The following MARCHF1 variants were observed in gnomAD, a reference collection of about 807,000 sequenced individuals.
MARCHF1 encodes the protein E3 ubiquitin-protein ligase MARCHF1.
MARCHF1 carries 40 observed loss-of-function variants against 54.2 expected under a neutral mutation model. The ratio of observed to expected loss-of-function variants is 0.74; its 90% CI spans 0.57 to 0.96. MARCHF1 has a LOEUF of 0.96. MARCHF1 is among the 40% of genes least tolerant of loss of function. The pLI is 0.00. For missense variants in MARCHF1, 586 were observed against 656.5 expected, an observed-to-expected ratio of 0.89 and a Z score of 1.17; for synonymous variants, 236 against 236.3, an observed-to-expected ratio of 1.00 and a Z score of 0.01.
intron 1 of MARCHF1, among the ~76,000 whole-genome samples, chr4:164,320,108 CA>C (rs1185059711): frequency 6.6e-6 from 1 of 152,056 alleles, no homozygotes; most frequent in Non-Finnish European, 1.5e-5. Context: ...ATTTTCTATT[CA>C]AAAAACATTT....
At chr4:164,240,764 T>G (rs1266547935) in intron 1 of MARCHF1, among the ~76,000 whole-genome samples, 1 of 152,140 alleles carries the variant, frequency 6.6e-6, no homozygotes, top group African/African-American at 2.4e-5. Flanking sequence ...CAGTTTAAAC[T>G]TAAAGCAAGG....
Position 163,951,629 on chromosome 4 carries a change from G to A in MARCHF1, c.-39+36872C>T, listed in dbSNP as rs187655800. Among the ~76,000 whole-genome samples the A allele has an allele frequency of 2.3e-3, 345 of 152,280 alleles. 1 individual carries two copies. The highest frequency in any genetic ancestry group is 7.9e-3 in the African/African-American group (330 of 41,542). On this transcript the variant is annotated intron_variant, in intron 3 of 9. Transcript: ENST00000514618. ...GAAATATCAGAAAGGTAAAGCAGACGGGACCAGAGTAATTGTCAAAGGTAA... is the reference window on the plus strand; with the variant it reads ...GAAATATCAGAAAGGTAAAGCAGACAGGACCAGAGTAATTGTCAAAGGTAA...
rs1746975438 is a variant in MARCHF1, at chr4:163,766,304, TAA to T, written c.112-65443_112-65442del. On this transcript the variant is annotated intron_variant, in intron 4 of 9. Coordinates refer to ENST00000514618, the MANE Select transcript of MARCHF1 (RefSeq NM_001394959.1). The stretch of plus-strand genomic sequence containing the variant: ...AAACCAATATAACTTTGGGGGAAAG[TAA>T]AAGATCCAGAAGTCCTATAATGCTT... Among the ~76,000 whole-genome samples the T allele has an allele frequency of 2.6e-5, 4 of 152,128 alleles. No homozygotes were observed. The South Asian group carries it at 8.3e-4, about 32-fold the overall frequency.
Position 164,024,167 on chromosome 4 carries a change from G to A in MARCHF1, c.-247-35458C>T, listed in dbSNP as rs114301850. On this transcript the variant is annotated intron_variant, in intron 2 of 9. Coordinates refer to ENST00000514618, the MANE Select transcript of MARCHF1 (RefSeq NM_001394959.1). ...TAAGCAACTTTTTAAATATTTTGGA[G>A]GGCATAGTCCATGAAAATTTTTCTG... 5.4e-3 allele frequency among the ~76,000 whole-genome samples: 827 copies of A among 152,162 alleles called. 4 individuals are homozygous for A. Among genetic ancestry groups the A allele is most frequent in the African/African-American group, 0.019 (787 of 41,538 alleles).
At chr4:163,614,248 GAAT>G (rs1396585354) in intron 5 of MARCHF1, among the ~76,000 whole-genome samples, 13 of 152,220 alleles carry the variant, frequency 8.5e-5, no homozygotes, top group African/African-American at 2.6e-4. Flanking sequence ...AGTTTTGAGT[GAAT>G]AATATGTGCT....
chr4:163,862,762 A>C (rs1023354593), intron 3 of MARCHF1, among the ~76,000 whole-genome samples: 2 of 152,124 alleles, frequency 1.3e-5, no homozygotes, highest in Non-Finnish European at 2.9e-5. Context: ...AAACATGCAC[A>C]CATATGCTTA....
At position 164,240,522 on chromosome 4, in the gene MARCHF1, C is replaced by T. The variant is rs189187502; in HGVS notation, c.-322-128860G>A. ...CTGTCTCCCACCATTCTAACTACTCCTTTACCAAAAAAGCTGTCTCTTCTT... is the reference window on the plus strand; with the variant it reads ...CTGTCTCCCACCATTCTAACTACTCTTTTACCAAAAAAGCTGTCTCTTCTT... On this transcript the variant is annotated intron_variant, in intron 1 of 9. Transcript: ENST00000514618. Among the ~76,000 whole-genome samples, 257 of 152,120 alleles carry T rather than the reference C, an allele frequency of 1.7e-3. 2 individuals carry two copies. Among genetic ancestry groups the T allele is most frequent in the African/African-American group, 5.7e-3 (235 of 41,506 alleles).
At chr4:163,834,783 T>A (rs1749132765) in intron 4 of MARCHF1, among the ~76,000 whole-genome samples, 1 of 152,166 alleles carries the variant, frequency 6.6e-6, no homozygotes, top group Non-Finnish European at 1.5e-5. Context: ...AATCCCTTTA[T>A]AATTATACCA....
chr4:163,562,296 A>AAAAACAAAAC lies in MARCHF1; in HGVS notation c.1192-16563_1192-16554dup, dbSNP rs67047524. The stretch of plus-strand genomic sequence containing the variant: ...TGGCGTCAGAGCCAGACTCTGTCTC[A>AAAAACAAAAC]AAAACAAAACAAAACAAAACAAAAC... On this transcript the variant is annotated intron_variant, in intron 8 of 9. Coordinates refer to ENST00000514618, the MANE Select transcript of MARCHF1 (RefSeq NM_001394959.1). 8.5e-4 allele frequency among the ~76,000 whole-genome samples: 128 copies of AAAAACAAAAC among 150,172 alleles called. 3 individuals are homozygous for AAAAACAAAAC. Among genetic ancestry groups the AAAAACAAAAC allele is most frequent in the East Asian group, 7.0e-3 (35 of 5,032 alleles).
chr4:164,024,806 G>T (rs1377563633), intron 2 of MARCHF1, among the ~76,000 whole-genome samples: 1 of 152,022 alleles, frequency 6.6e-6, no homozygotes, highest in Non-Finnish European at 1.5e-5. Context: ...TGGATAAATA[G>T]GCAAGACCCA....
chr4:164,075,473 G>A (rs115768842), intron 2 of MARCHF1, among the ~76,000 whole-genome samples: 25 of 152,336 alleles, frequency 1.6e-4, no homozygotes, highest in African/African-American at 6.0e-4. Context: ...GCCCCAGGGT[G>A]TGGATGACAG....
intron 4 of MARCHF1, among the ~76,000 whole-genome samples, chr4:163,734,685 G>A (rs1745982201): frequency 6.6e-6 from 1 of 152,164 alleles, no homozygotes; most frequent in African/African-American, 2.4e-5. Flanking sequence ...CAGTGGGGAG[G>A]GATAGGGTAG....
intron 2 of MARCHF1, among the ~76,000 whole-genome samples, chr4:163,989,312 AG>A (rs757924056): frequency 1.4e-4 from 21 of 151,682 alleles, no homozygotes; most frequent in Non-Finnish European, 2.1e-4. Flanking sequence ...AGAGAGAGAG[AG>A]AAAAGAAGAG....
chr4:163,939,578 C>G (rs1751868729), intron 3 of MARCHF1, among the ~76,000 whole-genome samples: 1 of 152,076 alleles, frequency 6.6e-6, no homozygotes, highest in Non-Finnish European at 1.5e-5. Context: ...ATCAGTTTAC[C>G]AACTCTGATA....
intron 3 of MARCHF1, among the ~76,000 whole-genome samples, chr4:163,964,606 T>C (rs1357262981): frequency 2.0e-5 from 3 of 152,020 alleles, no homozygotes; most frequent in Non-Finnish European, 4.4e-5. Context: ...CTAGGACTGT[T>C]GGTCAAAAAT....
chr4:164,028,671 A>G (rs1309147341), intron 2 of MARCHF1, among the ~76,000 whole-genome samples: 2 of 152,144 alleles, frequency 1.3e-5, no homozygotes, highest in Non-Finnish European at 2.9e-5. Flanking sequence ...TAACCTCAAT[A>G]TCATACAATA....
At chr4:164,199,025 T>C (rs145904825) in intron 1 of MARCHF1, among the ~76,000 whole-genome samples, 6 of 152,320 alleles carry the variant, frequency 3.9e-5, no homozygotes, top group African/African-American at 1.2e-4. Context: ...TATCACAGAT[T>C]CCACTAGTAA....
At chr4:163,804,393 C>T (rs1008630070) in intron 4 of MARCHF1, among the ~76,000 whole-genome samples, 1 of 152,144 alleles carries the variant, frequency 6.6e-6, no homozygotes, top group African/African-American at 2.4e-5. Context: ...TTCCCAGGCT[C>T]CATCCCAGAC....
chr4:163,733,149 TTC>T (rs377396807), intron 4 of MARCHF1, among the ~76,000 whole-genome samples: 149 of 62,528 alleles, frequency 2.4e-3, no homozygotes, highest in Middle Eastern at 0.011. Flanking sequence ...AAGACTCCAT[TTC>T]TCTCTCTCTC....
Sources: allele counts gnomAD v4.1 joint callset (sites outside exome capture counted in the v4.1 genomes callset), GRCh38; gene constraint gnomAD v4.1.1; transcripts MANE v1.5; gene names NCBI Gene and HGNC (gene_info 2026-07-23, HGNC 2026-07-21).